The following CLEC2A variants were observed in gnomAD, a reference collection of about 807,000 sequenced individuals.
The protein encoded by CLEC2A is keratinocyte-associated C-type lectin.
In CLEC2A, 19 loss-of-function variants were observed where a neutral mutation model predicts 18.6. The ratio of observed to expected loss-of-function variants is 1.02; its 90% CI spans 0.71 to 1.50. CLEC2A has a LOEUF of 1.50. Among genes scored for constraint, CLEC2A ranks in the 40% most tolerant of loss-of-function variants. The probability of loss-of-function intolerance (pLI) is 0.00; values close to 1 mark genes in which losing one functional copy is unlikely to be tolerated. For synonymous variants in CLEC2A, 74 were observed against 64.0 expected, an observed-to-expected ratio of 1.16 and a Z score of -0.75; for missense variants, 190 against 207.9, an observed-to-expected ratio of 0.91 and a Z score of 0.53.
the CLEC2A span, among the ~76,000 whole-genome samples, chr12:9,882,217 CTAAGT>C: frequency 6.6e-6 from 1 of 151,950 alleles, no homozygotes; most frequent in Non-Finnish European, 1.5e-5. Context: ...TAGCCAAGAC[CTAAGT>C]TAAGATGACA....
chr12:9,885,263 T>C, the CLEC2A span, among the ~76,000 whole-genome samples: 1 of 151,654 alleles, frequency 6.6e-6, no homozygotes, highest in Non-Finnish European at 1.5e-5. Flanking sequence ...ATCTTATAAT[T>C]AAAAAAGTAA....
At chr12:9,902,386 T>C (rs184053012) in intron 4 of CLEC2A, among the ~76,000 whole-genome samples, 2 of 151,972 alleles carry the variant, frequency 1.3e-5, no homozygotes, top group East Asian at 1.9e-4. Flanking sequence ...GTGTGCACCA[T>C]TGCGCCTGGT....
the CLEC2A span, among the ~76,000 whole-genome samples, chr12:9,887,228 A>C: frequency 1.3e-5 from 2 of 152,180 alleles, no homozygotes; most frequent in Non-Finnish European, 2.9e-5. Context: ...ACAAGAACCC[A>C]CTAAGTTCGG....
At chr12:9,914,167 C>A (rs957855488) in intron 4 of CLEC2A, among the ~76,000 whole-genome samples, 1 of 152,054 alleles carries the variant, frequency 6.6e-6, no homozygotes, top group African/African-American at 2.4e-5. Flanking sequence ...AAACATACTG[C>A]AATAGAAACC....
At chr12:9,931,328 CAA>C (rs2137061489) in intron 1 of CLEC2A, among the ~76,000 whole-genome samples, 1 of 152,156 alleles carries the variant, frequency 6.6e-6, no homozygotes, top group East Asian at 1.9e-4. Flanking sequence ...TTTCATAGAT[CAA>C]GAGTTCGTAA....
rs535799701 is a variant in CLEC2A, at chr12:9,916,774, A to G, written c.336T>C (p.Asp112=). 4.5e-6 allele frequency: 7 copies of G among 1,551,358 alleles called. No individual in the cohort carries two copies. In the African/African-American group the frequency reaches 5.5e-5, roughly 12 times the overall value. ...TCCTGCTTAGTCCAATCCAGTGCAT[A>G]TCAGTTCCTGCGTACCTCTTCAAAA... is the stretch of plus-strand genomic sequence containing the variant. ...MEFLKRYAGT[D]MHWIGLSRKQ... is the part of the protein sequence containing the mutation. Residue 112 remains aspartate, a synonymous_variant, in exon 4 of 5, where the codon GAT becomes GAC. Coordinates refer to ENST00000455827, the MANE Select transcript of CLEC2A (RefSeq NM_001130711.2).
chr12:9,926,316 ATCTTCCAGTTTTG>A lies in CLEC2A; in HGVS notation c.70_82del (p.Gln24LeufsTer7). 1 of 1,549,414 alleles carries A rather than the reference ATCTTCCAGTTTTG, an allele frequency of 6.5e-7. No individual in the cohort carries two copies. The highest frequency in any genetic ancestry group is 1.7e-4 in the Middle Eastern group (1 of 5,984). On this transcript the variant is annotated frameshift_variant, in exon 2 of 5. Coordinates refer to ENST00000455827, the MANE Select transcript of CLEC2A (RefSeq NM_001130711.2). LOFTEE classifies it high-confidence loss of function. ...AATACTCAGGAAGCACATAAGGCCA[ATCTTCCAGTTTTG>A]TATCAACTTGGGAACTGCAAATTAA...
chr12:9,919,143 G>C (rs1361993947), intron 3 of CLEC2A, among the ~76,000 whole-genome samples: 1 of 152,212 alleles, frequency 6.6e-6, no homozygotes, highest in Non-Finnish European at 1.5e-5. Context: ...GCTATAGATT[G>C]TGACTTGGCA....
chr12:9,892,752 T>C, the CLEC2A span, among the ~76,000 whole-genome samples: 14 of 151,870 alleles, frequency 9.2e-5, no homozygotes, highest in African/African-American at 3.1e-4. Flanking sequence ...GCCTGGCTAA[T>C]TTTGTATTTT....
chr12:9,896,569 A>G (rs1862758363), downstream of CLEC2A, among the ~76,000 whole-genome samples: 1 of 152,124 alleles, frequency 6.6e-6, no homozygotes, highest in Non-Finnish European at 1.5e-5. Context: ...TTCTTTTCCT[A>G]TCCAAATATA....
At chr12:9,907,890 G>A (rs1413318866) in intron 4 of CLEC2A, among the ~76,000 whole-genome samples, 1 of 152,198 alleles carries the variant, frequency 6.6e-6, no homozygotes, top group Non-Finnish European at 1.5e-5. Flanking sequence ...GTGTATTACT[G>A]TAAACCATTG....
chr12:9,910,514 G>A (rs990510250), downstream of CLEC2A, among the ~76,000 whole-genome samples: 2 of 152,062 alleles, frequency 1.3e-5, no homozygotes, highest in African/African-American at 2.4e-5. Context: ...GAGATTTCTT[G>A]CCTTTCTTCT....
chr12:9,906,831 T>C (rs1201912312), intron 4 of CLEC2A, among the ~76,000 whole-genome samples: 1 of 152,240 alleles, frequency 6.6e-6, no homozygotes, highest in Admixed American at 6.5e-5. Context: ...TGGTAGTTCA[T>C]TAAATCTAAA....
chr12:9,878,882 C>T, the CLEC2A span, among the ~76,000 whole-genome samples: 5 of 152,042 alleles, frequency 3.3e-5, no homozygotes, highest in African/African-American at 4.8e-5. Context: ...TTTTGTGAAC[C>T]GATTTTTTAG....
rs753421822 is a variant in CLEC2A at position 9,898,903 on chromosome 12, C to A, written c.*1G>T. ...ACGGCAGTCAGAGCTCCCTCAGAGGCCTATCTAAGGGGTCCCAGCAGAAGA... is the reference window on the plus strand; with the variant it reads ...ACGGCAGTCAGAGCTCCCTCAGAGGACTATCTAAGGGGTCCCAGCAGAAGA... On this transcript the variant is annotated 3_prime_UTR_variant, in exon 5 of 5. Coordinates refer to the CLEC2A transcript ENST00000339766. 7.0e-6 allele frequency: 5 copies of A among 715,022 alleles called. No homozygotes were observed. In the Admixed American group the frequency reaches 8.0e-5, roughly 11 times the overall value. The allele number at this position is 715,022 out of a possible 1,614,324, so 44.3% of individuals were successfully genotyped here. A position where few individuals can be genotyped will look rare whatever the true frequency, so the allele number is the denominator to read the frequency against.
chr12:9,891,108 A>T, the CLEC2A span, among the ~76,000 whole-genome samples: 2 of 149,256 alleles, frequency 1.3e-5, no homozygotes, highest in Non-Finnish European at 3.0e-5. Flanking sequence ...ACAATTTCTC[A>T]TATTCTGAAT....
chr12:9,894,226 G>A (rs1862727966), downstream of CLEC2A, among the ~76,000 whole-genome samples: 1 of 147,700 alleles, frequency 6.8e-6, no homozygotes, highest in South Asian at 2.1e-4. Context: ...CTGTGGCTCA[G>A]GCTGGAGTGC....
chr12:9,920,989 A>G (rs1863162892), intron 3 of CLEC2A, among the ~76,000 whole-genome samples: 1 of 152,198 alleles, frequency 6.6e-6, no homozygotes, highest in African/African-American at 2.4e-5. Context: ...AACAGTATGC[A>G]TTGTGGTAAA....
the CLEC2A span, among the ~76,000 whole-genome samples, chr12:9,887,544 T>C: frequency 6.6e-6 from 1 of 152,106 alleles, no homozygotes; most frequent in East Asian, 1.9e-4. Context: ...CAAAAAAGAA[T>C]GTGGGAGGTG....
Sources: allele counts gnomAD v4.1 joint callset (sites outside exome capture counted in the v4.1 genomes callset), GRCh38; gene constraint gnomAD v4.1.1; transcripts MANE v1.5; gene names NCBI Gene and HGNC (gene_info 2026-07-23, HGNC 2026-07-21).